The following HEXB variants were observed in gnomAD, a reference collection of about 807,000 sequenced individuals.
HEXB encodes hexosaminidase subunit beta.
In HEXB, 51 loss-of-function variants were observed where a neutral mutation model predicts 71.2. That is an observed-to-expected ratio of 0.72 (90% CI 0.57 to 0.90). HEXB has a LOEUF of 0.90. Ranked by LOEUF, HEXB falls within the 40% of genes least tolerant of loss-of-function variation. The pLI is 0.00. For synonymous variants in HEXB, 266 were observed against 249.3 expected, an observed-to-expected ratio of 1.07 and a Z score of -0.63; for missense variants, 617 against 677.0, an observed-to-expected ratio of 0.91 and a Z score of 0.98.
chr5:74,647,743 A>C (rs1748028488), intron 1 of HEXB, among the ~76,000 whole-genome samples: 4 of 152,244 alleles, frequency 2.6e-5, no homozygotes, highest in African/African-American at 9.6e-5. Context: ...GGAAATGGTA[A>C]CTTTTTAAAA....
chr5:74,706,607 T>TC (rs1213619116), intron 6 of HEXB, among the ~76,000 whole-genome samples: 1 of 152,180 alleles, frequency 6.6e-6, no homozygotes, highest in African/African-American at 2.4e-5. Context: ...ACTGTGCTTT[T>TC]CCGACGGGCT....
At chr5:74,654,248 C>G (rs144750815) in intron 1 of HEXB, among the ~76,000 whole-genome samples, 1 of 152,080 alleles carries the variant, frequency 6.6e-6, no homozygotes, top group African/African-American at 2.4e-5. Flanking sequence ...AATGTGCACA[C>G]GAATCACTTG....
intron 2 of HEXB, among the ~76,000 whole-genome samples, chr5:74,691,432 G>A (rs1441922873): frequency 6.6e-6 from 1 of 152,162 alleles, no homozygotes. Context: ...ATCAATAGAG[G>A]AATGGCTAAA....
intron 6 of HEXB, among the ~76,000 whole-genome samples, chr5:74,707,563 A>G (rs1042493967): frequency 3.3e-5 from 5 of 152,224 alleles, no homozygotes; most frequent in Admixed American, 1.3e-4. Flanking sequence ...CGAATGTACA[A>G]CTAGAATAAC....
chr5:74,666,060 GT>G (rs1375224391), intron 1 of HEXB, among the ~76,000 whole-genome samples: 1 of 152,188 alleles, frequency 6.6e-6, no homozygotes, highest in African/African-American at 2.4e-5. Flanking sequence ...ACAGAGAACT[GT>G]TTTATCCATT....
Position 74,720,616 on chromosome 5 carries a change from C to CG in HEXB, c.1509-21dup, listed in dbSNP as rs747523020. The CG allele has an allele frequency of 6.0e-5, 96 of 1,601,930 alleles. No individual in the cohort carries two copies. The Middle Eastern group carries it at 1.2e-3, about 19-fold the overall frequency. Reference sequence around the variant, plus strand: ...GCTAAACATAAATTTAAACTGCTTGCGGGGGGATGTGTGATTTAAATTTTA... The same window carrying CG: ...GCTAAACATAAATTTAAACTGCTTGCGGGGGGGATGTGTGATTTAAATTTTA... On this transcript the variant is annotated intron_variant, in intron 12 of 13. Coordinates refer to ENST00000261416, the MANE Select transcript of HEXB (RefSeq NM_000521.4).
At chr5:74,686,615 T>G (rs1014266233) in intron 1 of HEXB, among the ~76,000 whole-genome samples, 2 of 152,332 alleles carry the variant, frequency 1.3e-5, no homozygotes, top group South Asian at 4.1e-4. Context: ...CAGAAATGGT[T>G]CATTCTCTAC....
intron 5 of HEXB, among the ~76,000 whole-genome samples, chr5:74,698,532 C>T (rs1316710790): frequency 2.0e-5 from 3 of 151,980 alleles, no homozygotes; most frequent in African/African-American, 4.8e-5. Context: ...GCTGGGATTA[C>T]AGGTGCACAC....
At chr5:74,688,249 A>T (rs906946857) in intron 1 of HEXB, among the ~76,000 whole-genome samples, 2 of 136,132 alleles carry the variant, frequency 1.5e-5, no homozygotes, top group African/African-American at 5.6e-5. Context: ...TAATATTAAT[A>T]TTAATATTTA....
At chr5:74,720,250 G>A (rs1237963275) in intron 11 of HEXB, 178 bp from the exon 12 acceptor site, 2 of 630,316 alleles carry the variant, frequency 3.2e-6, no homozygotes, top group Non-Finnish European at 5.7e-6. Flanking sequence ...TTGGGGGGTG[G>A]GGGAAGAGGA....
chr5:74,659,101 G>A (rs1748272551), intron 1 of HEXB, among the ~76,000 whole-genome samples: 1 of 145,870 alleles, frequency 6.9e-6, no homozygotes, highest in Non-Finnish European at 1.5e-5. Context: ...GTGGGAAAAA[G>A]AGACTTTTAA....
chr5:74,665,021 T>G (rs1322977397), intron 1 of HEXB, among the ~76,000 whole-genome samples: 1 of 152,210 alleles, frequency 6.6e-6, no homozygotes, highest in Non-Finnish European at 1.5e-5. Flanking sequence ...CCAGTAATTC[T>G]ACTTTTAAGA....
chr5:74,671,551 C>T (rs951311058), intron 1 of HEXB, among the ~76,000 whole-genome samples: 19 of 151,824 alleles, frequency 1.3e-4, no homozygotes, highest in African/African-American at 3.1e-4. Context: ...AAGGGTGAAG[C>T]GGGGAGATTG....
intron 1 of HEXB, among the ~76,000 whole-genome samples, chr5:74,675,148 G>A (rs1748608396): frequency 6.6e-6 from 1 of 152,218 alleles, no homozygotes. Flanking sequence ...GAGTGAGGGG[G>A]TCAGTGGATG....
chr5:74,648,290 G>C (rs1188955552), intron 1 of HEXB, among the ~76,000 whole-genome samples: 9 of 152,188 alleles, frequency 5.9e-5, no homozygotes, highest in Non-Finnish European at 1.2e-4. Flanking sequence ...TTAGATTATT[G>C]TAAGAGATGA....
At chr5:74,666,966 T>C (rs1748443198) in intron 1 of HEXB, among the ~76,000 whole-genome samples, 2 of 152,134 alleles carry the variant, frequency 1.3e-5, no homozygotes, top group Non-Finnish European at 2.9e-5. Context: ...TTTTCTATGT[T>C]GCTATTTTTG....
intron 1 of HEXB, among the ~76,000 whole-genome samples, chr5:74,676,906 A>T (rs1313790087): frequency 1.3e-5 from 2 of 151,992 alleles, no homozygotes; most frequent in Admixed American, 1.3e-4. Flanking sequence ...GTTTTGTTTG[A>T]GACGGAGTCT....
chr5:74,650,528 G>A (rs1182741284), intron 1 of HEXB, among the ~76,000 whole-genome samples: 1 of 152,178 alleles, frequency 6.6e-6, no homozygotes, highest in Non-Finnish European at 1.5e-5. Flanking sequence ...GGAGAAGGGG[G>A]TTGGAGGTGT....
At chr5:74,692,237 C>T (rs1749018034) in intron 2 of HEXB, among the ~76,000 whole-genome samples, 1 of 151,806 alleles carries the variant, frequency 6.6e-6, no homozygotes, top group Admixed American at 6.6e-5. Context: ...GTAGCTGACA[C>T]CTGTAATCCC....
Sources: gnomAD v4.1 joint callset for allele counts (sites outside exome capture counted in the v4.1 genomes callset) on GRCh38, gnomAD v4.1.1 for gene constraint, MANE v1.5 for transcripts, NCBI Gene and HGNC (gene_info 2026-07-23, HGNC 2026-07-21) for gene names.